LINGO2: variants seen among roughly 807,000 people sequenced by gnomAD.
LINGO2 encodes the protein leucine rich repeat and Ig domain containing 2, also known as leucine-rich repeat and immunoglobulin-like domain-containing nogo receptor-interacting protein 2.
In LINGO2, 14 loss-of-function variants were observed where a neutral mutation model predicts 30.6. The observed-to-expected ratio is 0.46, with a 90% CI of 0.30 to 0.72. LINGO2 has a LOEUF of 0.72. LINGO2 is among the 30% of genes least tolerant of loss of function. The pLI, the probability that LINGO2 is intolerant of heterozygous loss-of-function variation, is 0.07. For synonymous variants in LINGO2, 317 were observed against 288.5 expected, an observed-to-expected ratio of 1.10 and a Z score of -1.00; for missense variants, 729 against 751.7, an observed-to-expected ratio of 0.97 and a Z score of 0.35.
chr9:28,339,342 T>C (rs13290108), intron 3 of LINGO2, among the ~76,000 whole-genome samples: 26,287 of 152,134 alleles, frequency 0.17, 3,082 homozygotes, highest in Non-Finnish European at 0.26. Context: ...AAAAACTATT[T>C]ATAGTAGGTT....
the LINGO2 span, among the ~76,000 whole-genome samples, chr9:29,130,107 A>G: frequency 0.19 from 28,591 of 152,036 alleles, 2,840 homozygotes; most frequent in East Asian, 0.34. Context: ...AGTAATTGTA[A>G]AAGAAATTCT....
At chr9:28,666,643 T>C (rs1038662185) in intron 1 of LINGO2, among the ~76,000 whole-genome samples, 10 of 152,180 alleles carry the variant, frequency 6.6e-5, no homozygotes, top group Non-Finnish European at 1.5e-4. Context: ...TAAGCCTCAA[T>C]GGCATCATGT....
chr9:28,603,965 A>G (rs1563857628), intron 1 of LINGO2, among the ~76,000 whole-genome samples: 1 of 151,910 alleles, frequency 6.6e-6, no homozygotes. Context: ...TGTTTTCTCT[A>G]CTTCAGTGTT....
chr9:28,853,753 A>G, the LINGO2 span, among the ~76,000 whole-genome samples: 11 of 151,948 alleles, frequency 7.2e-5, no homozygotes, highest in African/African-American at 2.7e-4. Context: ...TCTTGTGAGA[A>G]CTCACTGTCA....
the LINGO2 span, among the ~76,000 whole-genome samples, chr9:28,807,548 T>A: frequency 6.6e-6 from 1 of 152,202 alleles, no homozygotes; most frequent in Non-Finnish European, 1.5e-5. Flanking sequence ...GAAATAGCCA[T>A]TATTTAGCCT....
intron 1 of LINGO2, among the ~76,000 whole-genome samples, chr9:28,577,638 G>A (rs1250903767): frequency 6.6e-6 from 1 of 152,096 alleles, no homozygotes; most frequent in Non-Finnish European, 1.5e-5. Flanking sequence ...GGTTCTATCT[G>A]GGCAGCAGGC....
At chr9:27,941,661 T>C in the LINGO2 span, 1 of 152,308 alleles carries the variant, frequency 6.6e-6, no homozygotes, top group African/African-American at 2.4e-5. Context: ...GATGATACCC[T>C]AGATGATGAC....
At chr9:28,606,159 AT>A (rs1257755679) in intron 1 of LINGO2, among the ~76,000 whole-genome samples, 1 of 152,054 alleles carries the variant, frequency 6.6e-6, no homozygotes, top group South Asian at 2.1e-4. Flanking sequence ...AGATGTTTTG[AT>A]ATGTCTGCTA....
intron 1 of LINGO2, among the ~76,000 whole-genome samples, chr9:28,492,195 G>A (rs897791287): frequency 1.3e-5 from 2 of 152,120 alleles, no homozygotes; most frequent in Non-Finnish European, 2.9e-5. Flanking sequence ...AATTCCATTC[G>A]GTGTTGTGTA....
At position 28,602,299 on chromosome 9, in the gene LINGO2, C is replaced by A. The variant is rs1825519880; in HGVS notation, c.-365+67901G>T. ...TATACCCCATGTTGCAGGAGTCTGG[C>A]AAATAGAAACAAACAAACAAACAAA... On this transcript the variant is annotated intron_variant, in intron 1 of 5. Coordinates refer to ENST00000379992, the Ensembl canonical transcript of LINGO2. 2.6e-5 allele frequency among the ~76,000 whole-genome samples: 4 copies of A among 151,636 alleles called. No individual in the cohort carries two copies. The South Asian group carries it at 8.3e-4, about 32-fold the overall frequency.
intron 5 of LINGO2, among the ~76,000 whole-genome samples, chr9:28,007,464 T>C (rs1266387524): frequency 6.6e-6 from 1 of 152,176 alleles, no homozygotes; most frequent in Non-Finnish European, 1.5e-5. Flanking sequence ...ACAGTAAATC[T>C]GACTGTGAAA....
chr9:28,159,428 G>T lies in LINGO2; in HGVS notation c.-87+135780C>A, dbSNP rs1484259445. Among the ~76,000 whole-genome samples the T allele has an allele frequency of 3.3e-5, 5 of 151,992 alleles. No homozygotes were observed. In the East Asian group the frequency reaches 9.6e-4, roughly 29 times the overall value. On this transcript the variant is annotated intron_variant, in intron 4 of 5. Transcript: ENST00000379992. Reference sequence around the variant, plus strand: ...TTTTAAAAAACCATTTAATAAGCATGTATAATTTTCTGTTTTTCAATTTTC... The same window carrying T: ...TTTTAAAAAACCATTTAATAAGCATTTATAATTTTCTGTTTTTCAATTTTC...
At chr9:28,602,521 A>G (rs1412542678) in intron 1 of LINGO2, among the ~76,000 whole-genome samples, 2 of 152,106 alleles carry the variant, frequency 1.3e-5, no homozygotes, top group Non-Finnish European at 2.9e-5. Flanking sequence ...CTAATAGCTT[A>G]TGCATACATC....
the LINGO2 span, among the ~76,000 whole-genome samples, chr9:28,768,268 T>C: frequency 6.6e-6 from 1 of 152,192 alleles, no homozygotes; most frequent in Non-Finnish European, 1.5e-5. Context: ...CATTCTGAAC[T>C]CATGAATTTA....
the LINGO2 span, among the ~76,000 whole-genome samples, chr9:29,069,954 T>C: frequency 1.3e-5 from 2 of 152,078 alleles, no homozygotes; most frequent in Non-Finnish European, 2.9e-5. Context: ...CCAGGCGGGA[T>C]AGTTATTGCT....
intron 4 of LINGO2, among the ~76,000 whole-genome samples, chr9:28,133,285 A>G (rs1827427321): frequency 6.6e-6 from 1 of 152,186 alleles, no homozygotes; most frequent in South Asian, 2.1e-4. Flanking sequence ...TGCAATTATG[A>G]TTATTTACAT....
At chr9:28,000,739 GT>G (rs1233642243) in intron 5 of LINGO2, among the ~76,000 whole-genome samples, 1 of 152,142 alleles carries the variant, frequency 6.6e-6, no homozygotes, top group Non-Finnish European at 1.5e-5. Flanking sequence ...GTTGACAATA[GT>G]TTTTTATTTG....
rs571475108 is a variant in LINGO2 at position 28,633,604 on chromosome 9, C to A, written c.-365+36596G>T. ...TAATAAGCAAACAAACAAACAAAAA[C>A]CACATTCATTTGAAAAATTGAGATG... On this transcript the variant is annotated intron_variant, in intron 1 of 5. Coordinates refer to ENST00000379992, the Ensembl canonical transcript of LINGO2. Among the ~76,000 whole-genome samples, 105 of 152,234 alleles carry A rather than the reference C, an allele frequency of 6.9e-4. 1 individual carries two copies. Among genetic ancestry groups the A allele is most frequent in the African/African-American group, 2.5e-3 (103 of 41,540 alleles).
At chr9:28,757,583 T>C in the LINGO2 span, among the ~76,000 whole-genome samples, 3 of 152,088 alleles carry the variant, frequency 2.0e-5, no homozygotes, top group Admixed American at 2.0e-4. Context: ...TTGTGTTCTT[T>C]AAATGTTTGT....
Sources: gnomAD v4.1 joint callset for allele counts (sites outside exome capture counted in the v4.1 genomes callset) on GRCh38, gnomAD v4.1.1 for gene constraint, MANE v1.5 for transcripts, NCBI Gene and HGNC (gene_info 2026-07-23, HGNC 2026-07-21) for gene names.